ROBO2: variants seen among roughly 807,000 people sequenced by gnomAD.
The protein encoded by ROBO2 is roundabout guidance receptor 2, also known as roundabout homolog 2.
In ROBO2, 53 loss-of-function variants were observed where a neutral mutation model predicts 160.8. The observed-to-expected ratio is 0.33, with a 90% CI of 0.26 to 0.41. The LOEUF is 0.41. Ranked by LOEUF, ROBO2 falls within the 10% of genes least tolerant of loss-of-function variation. The pLI is 1.00. For missense variants in ROBO2, 1,577 were observed against 1,722.4 expected, an observed-to-expected ratio of 0.92 and a Z score of 1.49; for synonymous variants, 664 against 611.7, an observed-to-expected ratio of 1.09 and a Z score of -1.26.
intron 1 of ROBO2, among the ~76,000 whole-genome samples, chr3:75,927,397 A>G (rs183828133): frequency 6.6e-6 from 1 of 152,322 alleles, no homozygotes; most frequent in East Asian, 1.9e-4. Context: ...ACTAAAATCA[A>G]TATGAATGGA....
At chr3:77,599,496 G>A (rs529077358) in intron 19 of ROBO2, among the ~76,000 whole-genome samples, 1 of 127,962 alleles carries the variant, frequency 7.8e-6, no homozygotes, top group Non-Finnish European at 1.6e-5. Context: ...GGGGCCTGTT[G>A]TGGGGTGGGG....
At chr3:77,307,193 G>A (rs933068654) in intron 2 of ROBO2, among the ~76,000 whole-genome samples, 1 of 152,184 alleles carries the variant, frequency 6.6e-6, no homozygotes, top group Non-Finnish European at 1.5e-5. Flanking sequence ...AATTTATGTT[G>A]ATGGCTGGTA....
chr3:76,410,971 T>G (rs2075455551), intron 2 of ROBO2, among the ~76,000 whole-genome samples: 2 of 152,126 alleles, frequency 1.3e-5, no homozygotes, highest in Admixed American at 1.3e-4. Flanking sequence ...TAAATCCTAC[T>G]TTAAAAGAAG....
In ROBO2 at chr3:76,563,904, T is replaced by G. The variant is rs769892795; in HGVS notation, c.110-534110T>G. On this transcript the variant is annotated intron_variant, in intron 2 of 26. Transcript: ENST00000487694. ...GTCCAGGTCATAAACAAGCAGTTCT[T>G]TGTTTTTAAAATTCAAGTAAGATCT... Among the ~76,000 whole-genome samples, 3 of 152,334 alleles carry G rather than the reference T, an allele frequency of 2.0e-5. No homozygotes were observed. In the South Asian group the frequency reaches 6.2e-4, roughly 32 times the overall value.
chr3:77,097,329 G>C (rs1364558016), intron 1 of ROBO2, among the ~76,000 whole-genome samples: 1 of 152,000 alleles, frequency 6.6e-6, no homozygotes, highest in South Asian at 2.1e-4. Context: ...CTCTTATTAT[G>C]CTTAATTTAG....
At chr3:77,368,808 T>C (rs770456805) in intron 2 of ROBO2, among the ~76,000 whole-genome samples, 3 of 152,184 alleles carry the variant, frequency 2.0e-5, no homozygotes, top group Non-Finnish European at 4.4e-5. Flanking sequence ...TGATAGAAAA[T>C]TTTTAGTGCT....
chr3:76,009,521 G>T (rs192993477), intron 2 of ROBO2, among the ~76,000 whole-genome samples: 60 of 152,262 alleles, frequency 3.9e-4, no homozygotes, highest in African/African-American at 1.4e-3. Context: ...AGCATGTTCT[G>T]AACCCAATGC....
chr3:76,444,232 C>A (rs957561399), intron 2 of ROBO2, among the ~76,000 whole-genome samples: 2 of 152,048 alleles, frequency 1.3e-5, no homozygotes, highest in Admixed American at 6.6e-5. Flanking sequence ...CCCGCCTTGG[C>A]CTCCAAAAGT....
intron 2 of ROBO2, among the ~76,000 whole-genome samples, chr3:76,606,890 T>A (rs1278928617): frequency 6.6e-6 from 1 of 152,096 alleles, no homozygotes; most frequent in Non-Finnish European, 1.5e-5. Context: ...CATTATGGTG[T>A]GTATTTTGAG....
intron 2 of ROBO2, among the ~76,000 whole-genome samples, chr3:76,198,489 C>T (rs965095362): frequency 2.0e-5 from 3 of 152,094 alleles, no homozygotes; most frequent in African/African-American, 7.2e-5. Flanking sequence ...TACTTTACCC[C>T]AAAATGTATT....
chr3:75,977,451 G>C (rs1380469629), intron 2 of ROBO2, among the ~76,000 whole-genome samples: 1 of 151,476 alleles, frequency 6.6e-6, no homozygotes, highest in Non-Finnish European at 1.5e-5. Context: ...GTTTTCAGTT[G>C]ATTCAGTTTA....
chr3:77,391,218 A>G (rs1243396401), intron 2 of ROBO2, among the ~76,000 whole-genome samples: 1 of 152,186 alleles, frequency 6.6e-6, no homozygotes, highest in East Asian at 1.9e-4. Flanking sequence ...AAAATTGCTT[A>G]TAACCTGCAG....
At chr3:77,382,631 C>G (rs1392896836) in intron 2 of ROBO2, among the ~76,000 whole-genome samples, 2 of 152,100 alleles carry the variant, frequency 1.3e-5, no homozygotes, top group African/African-American at 4.8e-5. Flanking sequence ...CTTTGCATCC[C>G]CATAGCTTAC....
chr3:77,161,459 C>T (rs1321307901), intron 2 of ROBO2, among the ~76,000 whole-genome samples: 2 of 152,076 alleles, frequency 1.3e-5, no homozygotes, highest in Non-Finnish European at 2.9e-5. Flanking sequence ...TGTACACACT[C>T]TTAGATGATA....
At chr3:75,982,132 C>T (rs996862891) in intron 2 of ROBO2, among the ~76,000 whole-genome samples, 2 of 151,518 alleles carry the variant, frequency 1.3e-5, no homozygotes, top group African/African-American at 2.4e-5. Context: ...CATAGTACTC[C>T]GTTGTGTATA....
chr3:76,537,780 C>T (rs2082591628), intron 2 of ROBO2, among the ~76,000 whole-genome samples: 1 of 152,020 alleles, frequency 6.6e-6, no homozygotes, highest in Non-Finnish European at 1.5e-5. Flanking sequence ...AAAAGAGAGT[C>T]AGCAAAGGGA....
intron 2 of ROBO2, among the ~76,000 whole-genome samples, chr3:75,975,584 AAT>A (rs2107399113): frequency 6.6e-6 from 1 of 151,512 alleles, no homozygotes; most frequent in East Asian, 2.0e-4. Flanking sequence ...ACTAGTTACC[AAT>A]GTTTATTTTT....
At chr3:77,425,669 C>CTTT (rs756195644) in intron 2 of ROBO2, among the ~76,000 whole-genome samples, 42 of 140,652 alleles carry the variant, frequency 3.0e-4, no homozygotes, top group African/African-American at 8.8e-4. Flanking sequence ...CAATATGACT[C>CTTT]TTTTTTTTTT....
At chr3:76,388,174 G>A (rs758223874) in intron 2 of ROBO2, among the ~76,000 whole-genome samples, 1 of 151,838 alleles carries the variant, frequency 6.6e-6, no homozygotes, top group South Asian at 2.1e-4. Flanking sequence ...TTAACTTTTA[G>A]TAATAAAATG....
Sources: gnomAD v4.1 joint callset for allele counts (sites outside exome capture counted in the v4.1 genomes callset) on GRCh38, gnomAD v4.1.1 for gene constraint, MANE v1.5 for transcripts, NCBI Gene and HGNC (gene_info 2026-07-23, HGNC 2026-07-21) for gene names.